TRAPPC3L: variants seen among roughly 807,000 people sequenced by gnomAD.
TRAPPC3L encodes trafficking protein particle complex subunit 3-like protein.
TRAPPC3L carries 23 observed loss-of-function variants against 23.7 expected under a neutral mutation model. That is an observed-to-expected ratio of 0.97 (90% CI 0.70 to 1.37). TRAPPC3L has a LOEUF of 1.37. Among genes scored for constraint, TRAPPC3L ranks in the 40% most tolerant of loss-of-function variants. The probability of loss-of-function intolerance (pLI) is 0.00; values close to 1 mark genes in which losing one functional copy is unlikely to be tolerated. For missense variants in TRAPPC3L, 212 were observed against 216.8 expected (o/e 0.98, Z 0.14); for synonymous variants, 81 against 77.9 (o/e 1.04, Z -0.21).
At chr6:116,499,588 TTA>T (rs1771882572) in intron 4 of TRAPPC3L, among the ~76,000 whole-genome samples, 1 of 152,178 alleles carries the variant, frequency 6.6e-6, no homozygotes, top group South Asian at 2.1e-4. Context: ...GTCTCCCAAT[TTA>T]TATGTCAGTC....
chr6:116,543,510 A>C lies in TRAPPC3L; in HGVS notation c.43-110T>G, dbSNP rs536180456. 7.8e-6 allele frequency: 7 copies of C among 899,490 alleles called. No individual in the cohort carries two copies. In the South Asian group the frequency reaches 9.1e-5, roughly 12 times the overall value. 55.7% of individuals were successfully genotyped at this position (899,490 alleles called of 1,614,324 possible). Reference sequence around the variant, plus strand: ...AAGTAGCCTTAGAAGTCACCTGTACATTTTTTCCTTCCTCCTATTATTGCA... The same window carrying C: ...AAGTAGCCTTAGAAGTCACCTGTACCTTTTTTCCTTCCTCCTATTATTGCA... On this transcript the variant is annotated intron_variant, in intron 1 of 4. Coordinates refer to ENST00000368602, the MANE Select transcript of TRAPPC3L (RefSeq NM_001139444.3).
rs988936892 is a variant in TRAPPC3L at position 116,497,140 on chromosome 6, TC to T, written c.427-68del. On this transcript the variant is annotated intron_variant, in intron 4 of 4. Transcript: ENST00000368602. ...AAAACAAAAAACTAAATTTTCTCAGTCTTTTTTCAGCTTTCTTTACTTTCCT... is the reference window on the plus strand; with the variant it reads ...AAAACAAAAAACTAAATTTTCTCAGTTTTTTTCAGCTTTCTTTACTTTCCT... The T allele has an allele frequency of 1.8e-5, 27 of 1,488,280 alleles. No homozygotes were observed. In the African/African-American group the frequency reaches 3.6e-4, roughly 20 times the overall value. 92.2% of individuals were successfully genotyped at this position (1,488,280 alleles called of 1,614,324 possible).
At position 116,500,580 on chromosome 6, in the gene TRAPPC3L, C is replaced by A. The variant is rs1039313924; in HGVS notation, c.327G>T (p.Lys109Asn). Residue 109 changes from lysine to asparagine, a missense_variant, in exon 4 of 5, where the codon AAG becomes AAT. Transcript: ENST00000368602. Reference protein sequence around the residue: ...SKNEFSLILEKNPLVEFVEEL... With the variant: ...SKNEFSLILENNPLVEFVEEL... Reference sequence around the variant, plus strand: ...CTTCCACAAACTCCACCAGGGGATTCTTCTCTAGAATCAGGGAAAATTCAT... The same window carrying A: ...CTTCCACAAACTCCACCAGGGGATTATTCTCTAGAATCAGGGAAAATTCAT... 1.3e-6 allele frequency: 2 copies of A among 1,551,568 alleles called. No homozygotes were observed. Among genetic ancestry groups the A allele is most frequent in the African/African-American group, 2.7e-5 (2 of 73,044 alleles).
chr6:116,500,513 G>A lies in TRAPPC3L; in HGVS notation c.394C>T (p.Leu132Phe), dbSNP rs1411638212. Reference protein sequence around the residue: ...GRSSLCYCNLLCGIIRGALEM... With the variant: ...GRSSLCYCNLFCGIIRGALEM... ...AAGGCACCTCTGATAATCCCACAGA[G>A]CAAGTTGCAGTAGCACAGAGAAGAT... Residue 132 changes from leucine (L) to phenylalanine (F), a missense_variant, in exon 4 of 5, where the codon CTC becomes TTC. Transcript: ENST00000368602. 2 of 1,551,328 alleles carry A rather than the reference G, an allele frequency of 1.3e-6. No homozygotes were observed. The highest frequency in any genetic ancestry group is 2.0e-5 in the Admixed American group (1 of 50,896).
intron 3 of TRAPPC3L, among the ~76,000 whole-genome samples, chr6:116,501,377 G>T (rs1276287134): frequency 3.9e-5 from 6 of 152,194 alleles, no homozygotes; most frequent in African/African-American, 1.4e-4. Context: ...TGAACTGGGT[G>T]GAGCCCACCG....
chr6:116,527,293 GA>G (rs1772460898), intron 3 of TRAPPC3L, among the ~76,000 whole-genome samples: 1 of 152,032 alleles, frequency 6.6e-6, no homozygotes, highest in Non-Finnish European at 1.5e-5. Flanking sequence ...CGAGACGGAC[GA>G]ATCACGAGGT....
chr6:116,510,935 T>TCACTTATAAGTGGAACTTAAGTTC (rs1772103639), intron 3 of TRAPPC3L, among the ~76,000 whole-genome samples: 1 of 151,798 alleles, frequency 6.6e-6, no homozygotes, highest in Non-Finnish European at 1.5e-5. Flanking sequence ...ACTGTAGTTC[T>TCACTTATAAGTGGAACTTAAGTTC]CACTTATAAG....
At chr6:116,506,307 C>T (rs994961620) in intron 3 of TRAPPC3L, among the ~76,000 whole-genome samples, 2 of 152,188 alleles carry the variant, frequency 1.3e-5, no homozygotes, top group South Asian at 2.1e-4. Flanking sequence ...ATCAAAACCA[C>T]AATGAAATAC....
chr6:116,523,842 T>G (rs1772391631), intron 3 of TRAPPC3L: 1 of 152,144 alleles, frequency 6.6e-6, no homozygotes, highest in African/African-American at 2.4e-5. Flanking sequence ...TAACAGAACA[T>G]TCCATTTTAC....
intron 3 of TRAPPC3L, among the ~76,000 whole-genome samples, chr6:116,501,806 C>T (rs756396370): frequency 5.3e-5 from 8 of 152,274 alleles, no homozygotes; most frequent in Non-Finnish European, 7.4e-5. Flanking sequence ...GGAAAACTAA[C>T]GAACAGAAAG....
chr6:116,529,933 T>G (rs1454139387), intron 3 of TRAPPC3L, among the ~76,000 whole-genome samples: 1 of 152,062 alleles, frequency 6.6e-6, no homozygotes, highest in Non-Finnish European at 1.5e-5. Context: ...ACTCTAAAAC[T>G]GAGTTTTACA....
rs1278686366 is a variant in TRAPPC3L at position 116,495,089 on chromosome 6, C to T, written c.*1865G>A. The T allele has an allele frequency of 6.8e-6, 1 of 146,072 alleles. No homozygotes were observed. The highest frequency in any genetic ancestry group is 1.5e-5 in the Non-Finnish European group (1 of 67,052). 9.0% of individuals were successfully genotyped at this position (146,072 alleles called of 1,614,324 possible). On this transcript the variant is annotated 3_prime_UTR_variant, in exon 5 of 5. Transcript: ENST00000368602. ...AAGTGCAGAGATTACAGGCTTGTGC[C>T]ACCATGCCCGACCCAGATCTTATTC... is the stretch of plus-strand genomic sequence containing the variant.
chr6:116,506,785 G>T (rs755614010), intron 3 of TRAPPC3L, among the ~76,000 whole-genome samples: 1 of 152,108 alleles, frequency 6.6e-6, no homozygotes, highest in Admixed American at 6.5e-5. Flanking sequence ...AACACTGTAC[G>T]TTCTCACTCC....
intron 3 of TRAPPC3L, among the ~76,000 whole-genome samples, chr6:116,525,296 C>T (rs575225941): frequency 6.6e-6 from 1 of 152,284 alleles, no homozygotes; most frequent in East Asian, 1.9e-4. Context: ...GTTTCCTGGC[C>T]TCTGTCTGGG....
At position 116,512,075 on chromosome 6, in the gene TRAPPC3L, T is replaced by C. The variant is rs1188664868; in HGVS notation, c.241-11409A>G. 1.9e-6 allele frequency: 3 copies of C among 1,613,912 alleles called. No individual in the cohort carries two copies. The highest frequency in any genetic ancestry group is 2.7e-5 in the African/African-American group (2 of 74,910). On this transcript the variant is annotated intron_variant, in intron 3 of 4. Coordinates refer to ENST00000368602, the MANE Select transcript of TRAPPC3L (RefSeq NM_001139444.3). Reference sequence around the variant, plus strand: ...TCTGCTCAATGGAACTTTCTATGAATGTGCCATGAGCGGGACGAGAAGTTC... The same window carrying C: ...TCTGCTCAATGGAACTTTCTATGAACGTGCCATGAGCGGGACGAGAAGTTC...
intron 3 of TRAPPC3L, chr6:116,516,691 A>C (rs945886169): frequency 1.4e-5 from 2 of 141,850 alleles, no homozygotes. Flanking sequence ...ATATATATAT[A>C]TATATATATA....
rs1244716733 is a variant in TRAPPC3L, at chr6:116,496,969, A to G, written c.531T>C (p.Tyr177=). 19 of 1,543,448 alleles carry G rather than the reference A, an allele frequency of 1.2e-5. No individual in the cohort carries two copies. The Admixed American group carries it at 3.5e-4, about 28-fold the overall frequency. ...GTGCTAGTCTTCATTTTTTCCCTCT[A>G]TATTTTTTCTCGTCTCGCTTTTTTA... ...TFLKKRDEKK[Y]RGKK is the part of the protein sequence containing the mutation. The change falls in exon 5 of 5, where the codon TAT becomes TAC. Residue 177 remains tyrosine (Y), a synonymous_variant. Coordinates refer to ENST00000368602, the MANE Select transcript of TRAPPC3L (RefSeq NM_001139444.3).
chr6:116,543,181 T>C (rs889799057), intron 2 of TRAPPC3L, 122 bp downstream of exon 2: 7 of 661,318 alleles, frequency 1.1e-5, no homozygotes, highest in Middle Eastern at 3.6e-4. Flanking sequence ...CTTTCAGATG[T>C]GATTAATTGA....
chr6:116,526,678 G>A (rs1418593857), intron 3 of TRAPPC3L, among the ~76,000 whole-genome samples: 1 of 152,150 alleles, frequency 6.6e-6, no homozygotes, highest in Non-Finnish European at 1.5e-5. Context: ...ACACCAGGCA[G>A]GGATGGCCTG....
Sources: allele counts gnomAD v4.1 joint callset (sites outside exome capture counted in the v4.1 genomes callset), GRCh38; gene constraint gnomAD v4.1.1; transcripts MANE v1.5; gene names NCBI Gene and HGNC (gene_info 2026-07-23, HGNC 2026-07-21).